The following STON2 variants were observed in gnomAD, a reference collection of about 807,000 sequenced individuals.
STON2 encodes the protein stonin 2, also known as stonin-2.
A neutral mutation model predicts 65.7 loss-of-function variants in STON2; 29 were observed. The observed-to-expected ratio is 0.44, with a 90% CI of 0.33 to 0.60. The LOEUF (loss-of-function observed/expected upper bound fraction) is 0.60, where lower values mean the gene tolerates loss of function less well. Ranked by LOEUF, STON2 falls within the 20% of genes least tolerant of loss-of-function variation. The probability of loss-of-function intolerance (pLI) is 0.03; values close to 1 mark genes in which losing one functional copy is unlikely to be tolerated. For missense variants in STON2, 1,054 were observed against 1,118.1 expected, an observed-to-expected ratio of 0.94 and a Z score of 0.82; for synonymous variants, 404 against 414.2, an observed-to-expected ratio of 0.98 and a Z score of 0.30.
At chr14:81,321,431 C>T (rs1488463897) in intron 5 of STON2, among the ~76,000 whole-genome samples, 1 of 151,034 alleles carries the variant, frequency 6.6e-6, no homozygotes, top group Non-Finnish European at 1.5e-5. Flanking sequence ...AGAGTGGTGG[C>T]CACAGCTGGG....
chr14:81,421,455 A>G (rs1566953150), intron 2 of STON2, among the ~76,000 whole-genome samples: 1 of 152,182 alleles, frequency 6.6e-6, no homozygotes. Flanking sequence ...TTTTAGAAAA[A>G]GGTTATTCTG....
chr14:81,270,623 T>C (rs771259158), intron 7 of STON2, 47 bp downstream of exon 7: 5 of 1,613,584 alleles, frequency 3.1e-6, no homozygotes, highest in Non-Finnish European at 4.2e-6. Context: ...GGTAGTGGGG[T>C]GAACAAATGG....
At chr14:81,324,915 G>A (rs950706447) in intron 4 of STON2, among the ~76,000 whole-genome samples, 4 of 152,262 alleles carry the variant, frequency 2.6e-5, no homozygotes, top group South Asian at 4.2e-4. Context: ...GGAGGGCGAC[G>A]GAACAGGTAC....
At chr14:81,342,959 G>A (rs905661618) in intron 4 of STON2, among the ~76,000 whole-genome samples, 4 of 152,152 alleles carry the variant, frequency 2.6e-5, no homozygotes, top group African/African-American at 4.8e-5. Context: ...CAAGTCAAGC[G>A]GCAATGCCTA....
intron 4 of STON2, among the ~76,000 whole-genome samples, chr14:81,329,724 T>C (rs1199735824): frequency 1.3e-5 from 2 of 151,894 alleles, no homozygotes; most frequent in Admixed American, 1.3e-4. Flanking sequence ...AGACCAAAAG[T>C]ATGGATCAGT....
chr14:81,299,715 TA>T (rs896300157), intron 5 of STON2, among the ~76,000 whole-genome samples: 3 of 152,078 alleles, frequency 2.0e-5, no homozygotes, highest in Non-Finnish European at 4.4e-5. Context: ...ATAAGACCTC[TA>T]AAAATATTGT....
chr14:81,398,400 C>G lies in STON2; in HGVS notation c.-18G>C. 6.2e-7 allele frequency: 1 copy of G among 1,603,702 alleles called. No homozygotes were observed. Among genetic ancestry groups the G allele is most frequent in the Non-Finnish European group, 8.5e-7 (1 of 1,170,672 alleles). Reference sequence around the variant, plus strand: ...GTCGTCATGCTAAAAAGGCACTGGTCATCTTCACACTGCTGACCTCAGGTG... The same window carrying G: ...GTCGTCATGCTAAAAAGGCACTGGTGATCTTCACACTGCTGACCTCAGGTG... On this transcript the variant is annotated 5_prime_UTR_variant, in exon 2 of 8. It removes an upstream start codon present in the reference 5' UTR. Coordinates refer to ENST00000614646, the MANE Select transcript of STON2 (RefSeq NM_001394390.1).
intron 4 of STON2, among the ~76,000 whole-genome samples, chr14:81,364,246 T>C (rs1898622593): frequency 6.6e-6 from 1 of 152,188 alleles, no homozygotes; most frequent in African/African-American, 2.4e-5. Context: ...CAAGAACATC[T>C]GGTCTAAATT....
At chr14:81,365,885 C>T (rs1182179758) in intron 4 of STON2, among the ~76,000 whole-genome samples, 1 of 152,192 alleles carries the variant, frequency 6.6e-6, no homozygotes, top group East Asian at 1.9e-4. Context: ...AGAAGGTTTG[C>T]TTTTATTCCC....
chr14:81,368,084 T>G (rs1413057565), intron 4 of STON2, among the ~76,000 whole-genome samples: 1 of 152,126 alleles, frequency 6.6e-6, no homozygotes. Context: ...ATATTAAAAA[T>G]AAGCCAAGGC....
At chr14:81,282,560 G>A (rs761867235) in intron 5 of STON2, among the ~76,000 whole-genome samples, 11 of 152,148 alleles carry the variant, frequency 7.2e-5, no homozygotes, top group Non-Finnish European at 1.3e-4. Context: ...TAGAAAGTAC[G>A]TATGTATTAG....
intron 2 of STON2, among the ~76,000 whole-genome samples, chr14:81,405,565 A>G (rs1900818682): frequency 7.0e-6 from 1 of 143,284 alleles, no homozygotes; most frequent in Non-Finnish European, 1.5e-5. Context: ...TTGGTGATAC[A>G]CTGAAGACCT....
Position 81,278,082 on chromosome 14 carries a change from A to G in STON2, c.1400T>C (p.Ile467Thr), listed in dbSNP as rs1041886175. Reference protein sequence around the residue: ...TLPDDDPVAWIELDAHPPGSA... With the variant: ...TLPDDDPVAWTELDAHPPGSA... ...TCCAGGCGGGTGAGCATCTAGTTCA[A>G]TCCAGGCTACTGGGTCATCATCAGG... is the stretch of plus-strand genomic sequence containing the variant. Residue 467 changes from isoleucine (I) to threonine (T), a missense_variant, in exon 6 of 8, where the codon ATT becomes ACT. Coordinates refer to ENST00000614646, the MANE Select transcript of STON2 (RefSeq NM_001394390.1). 1.9e-6 allele frequency: 3 copies of G among 1,614,034 alleles called. No individual in the cohort carries two copies. In the South Asian group the frequency reaches 3.3e-5, roughly 18 times the overall value.
Position 81,267,924 on chromosome 14 carries a change from G to A in STON2, c.*490C>T. 2 of 985,596 alleles carry A rather than the reference G, an allele frequency of 2.0e-6. No homozygotes were observed. The highest frequency in any genetic ancestry group is 2.4e-6 in the Non-Finnish European group (2 of 830,080). 61.1% of individuals were successfully genotyped at this position (985,596 alleles called of 1,614,324 possible). The stretch of plus-strand genomic sequence containing the variant: ...CTAGTAAGACCCAAAGAGGAAATTT[G>A]TTTTGCACCTTTTCTGAACCTTTTC... On this transcript the variant is annotated 3_prime_UTR_variant, in exon 8 of 8. Transcript: ENST00000614646.
chr14:81,313,435 AAC>A (rs1896503284), intron 5 of STON2, among the ~76,000 whole-genome samples: 1 of 152,204 alleles, frequency 6.6e-6, no homozygotes, highest in South Asian at 2.1e-4. Context: ...TGGTGAACAA[AAC>A]AGATTGGGTG....
chr14:81,386,097 AGAC>A (rs1308805953), intron 3 of STON2, among the ~76,000 whole-genome samples: 1 of 152,202 alleles, frequency 6.6e-6, no homozygotes, highest in African/African-American at 2.4e-5. Context: ...AGAGGATCAG[AGAC>A]GGCATCAGCC....
chr14:81,367,307 T>C lies in STON2; in HGVS notation c.571+3681A>G, dbSNP rs532819968. Among the ~76,000 whole-genome samples, 5 of 152,220 alleles carry C rather than the reference T, an allele frequency of 3.3e-5. No individual in the cohort carries two copies. The East Asian group carries it at 7.7e-4, about 24-fold the overall frequency. ...AATTCTCCTGCCTCAGCTTCTCAAGTAGCTGGAATTACAGGCGCGCCACTA... is the reference window on the plus strand; with the variant it reads ...AATTCTCCTGCCTCAGCTTCTCAAGCAGCTGGAATTACAGGCGCGCCACTA... On this transcript the variant is annotated intron_variant, in intron 4 of 7. Coordinates refer to ENST00000614646, the MANE Select transcript of STON2 (RefSeq NM_001394390.1).
At chr14:81,331,301 T>C (rs1434311464) in intron 4 of STON2, among the ~76,000 whole-genome samples, 3 of 152,236 alleles carry the variant, frequency 2.0e-5, no homozygotes, top group Non-Finnish European at 4.4e-5. Flanking sequence ...GAAATGTGGA[T>C]AGGAGAATTA....
At position 81,355,563 on chromosome 14, in the gene STON2, G is replaced by A. The variant is rs577882695; in HGVS notation, c.571+15425C>T. ...CAACAAAGCTGCCTCTGAAATGAGG[G>A]AAAAATAAAAAATTTTCCAGACAAA... is the stretch of plus-strand genomic sequence containing the variant. On this transcript the variant is annotated intron_variant, in intron 4 of 7. Coordinates refer to ENST00000614646, the MANE Select transcript of STON2 (RefSeq NM_001394390.1). Among the ~76,000 whole-genome samples the A allele has an allele frequency of 5.9e-5, 9 of 152,202 alleles. No individual in the cohort carries two copies. In the South Asian group the frequency reaches 1.5e-3, roughly 25 times the overall value.
Sources: allele counts gnomAD v4.1 joint callset (sites outside exome capture counted in the v4.1 genomes callset), GRCh38; gene constraint gnomAD v4.1.1; transcripts MANE v1.5; gene names NCBI Gene and HGNC (gene_info 2026-07-23, HGNC 2026-07-21).